Variants in MAST4 observed in about 807,000 individuals in gnomAD.
MAST4 encodes microtubule associated serine/threonine kinase family member 4, also known as microtubule-associated serine/threonine-protein kinase 4.
A neutral mutation model predicts 162.7 loss-of-function variants in MAST4; 89 were observed. That is an observed-to-expected ratio of 0.55 (90% confidence interval 0.46 to 0.65). MAST4 has a LOEUF of 0.65. Ranked by LOEUF, MAST4 falls within the 30% of genes least tolerant of loss-of-function variation. The probability of loss-of-function intolerance (pLI) is 0.00; values close to 1 mark genes in which losing one functional copy is unlikely to be tolerated. For missense variants in MAST4, 3,153 were observed against 3,374.0 expected (o/e 0.93, Z 1.62); for synonymous variants, 1,479 against 1,361.1 (o/e 1.09, Z -1.91).
intron 18 of MAST4, among the ~76,000 whole-genome samples, chr5:67,136,286 C>T (rs1769634153): frequency 6.6e-6 from 1 of 152,146 alleles, no homozygotes; most frequent in African/African-American, 2.4e-5. Context: ...AAGAAAAATA[C>T]ATTTAAAAAG....
chr5:66,951,200 C>A (rs1744639127), intron 4 of MAST4, among the ~76,000 whole-genome samples: 1 of 152,182 alleles, frequency 6.6e-6, no homozygotes, highest in South Asian at 2.1e-4. Context: ...TGAACAACAA[C>A]TCATAAAGCT....
intron 3 of MAST4, among the ~76,000 whole-genome samples, chr5:66,807,318 A>G (rs1454672362): frequency 6.6e-6 from 1 of 151,912 alleles, no homozygotes; most frequent in African/African-American, 2.4e-5. Context: ...AACAAGGTGA[A>G]ACCCCGTCTC....
At chr5:66,727,372 A>T (rs566231311) in intron 1 of MAST4, among the ~76,000 whole-genome samples, 1 of 152,116 alleles carries the variant, frequency 6.6e-6, no homozygotes, top group Non-Finnish European at 1.5e-5. Context: ...CATTGATTCC[A>T]CTAATGGGTC....
intron 4 of MAST4, among the ~76,000 whole-genome samples, chr5:66,973,008 T>C (rs1287627916): frequency 6.6e-6 from 1 of 152,214 alleles, no homozygotes; most frequent in Non-Finnish European, 1.5e-5. Flanking sequence ...TGTACGACCA[T>C]GTTCATCTTG....
At position 67,163,461 on chromosome 5, in the gene MAST4, G is replaced by A. The variant is rs368674738; in HGVS notation, c.4282G>A (p.Val1428Met). ...HSPPTIVRHI[V>M]RPKSAEPPRS... ...CCCGCCCACCATCGTCAGACACATC[G>A]TGAGGCCCAAGAGTGCGGAGCCCCC... The change falls in exon 29 of 29, where the codon GTG (valine) becomes ATG (methionine). Residue 1428 changes from valine (V) to methionine (M), a missense_variant. Val to Met is a conservative substitution (Grantham distance 21). Around this residue, in one of 7 missense-constraint regions of MAST4, gnomAD observed 619 missense variants for 744.2 expected, o/e 0.83. Transcript: ENST00000403625. This position sits in a 1 kb window ranked among gnomAD's most constrained non-coding sequence, Gnocchi z 7.0. 1 of 1,613,328 alleles carries A rather than the reference G, an allele frequency of 6.2e-7. No individual in the cohort carries two copies. The highest frequency in any genetic ancestry group is 8.5e-7 in the Non-Finnish European group (1 of 1,179,876).
intron 3 of MAST4, among the ~76,000 whole-genome samples, chr5:66,866,554 G>A (rs1760535068): frequency 6.6e-6 from 1 of 152,126 alleles, no homozygotes; most frequent in Non-Finnish European, 1.5e-5. Context: ...GTATAATCCT[G>A]TATGGCTTTA....
chr5:67,100,345 A>G, intron 7 of MAST4, 90 bp from the exon 8 acceptor site: 9 of 1,223,660 alleles, frequency 7.4e-6, no homozygotes, highest in Non-Finnish European at 1.0e-5. Flanking sequence ...AAATGGTGGT[A>G]TTGTCCAAGT....
Position 67,121,023 on chromosome 5 carries a change from A to G in MAST4, c.1666A>G (p.Asn556Asp), listed in dbSNP as rs769608347. The change falls in exon 14 of 29, where the codon AAT (asparagine) becomes GAT (aspartate). Residue 556 changes from asparagine to aspartate, a missense_variant. Coordinates refer to ENST00000403625, the MANE Select transcript of MAST4 (RefSeq NM_001164664.2). ...TCCATATTTTGTTTCCAAGAGCTCT[A>G]ATGCCTCCCTGAAACTTCGAAGGAA... Reference protein sequence around the residue: ...PETDESVSSSNASLKLRRKPR... With the variant: ...PETDESVSSSDASLKLRRKPR... The G allele has an allele frequency of 3.0e-5, 48 of 1,609,286 alleles. No homozygotes were observed. Among genetic ancestry groups the G allele is most frequent in the Admixed American group, 5.0e-5 (3 of 59,604 alleles).
Position 67,062,398 on chromosome 5 carries a change from A to C in MAST4, c.763+7906A>C, listed in dbSNP as rs528869613. ...GGGCGACAGAGCAAGATGGTCCCCA[A>C]AAAAAAAAATGTGAGGCTGGAGACA... On this transcript the variant is annotated intron_variant, in intron 5 of 28. Coordinates refer to ENST00000403625, the MANE Select transcript of MAST4 (RefSeq NM_001164664.2). Among the ~76,000 whole-genome samples, 181 of 149,010 alleles carry C rather than the reference A, an allele frequency of 1.2e-3. 1 individual carries two copies. Among genetic ancestry groups the C allele is most frequent in the African/African-American group, 4.2e-3 (170 of 40,072 alleles).
intron 4 of MAST4, among the ~76,000 whole-genome samples, chr5:66,965,897 A>G (rs1187861607): frequency 2.0e-5 from 3 of 152,238 alleles, no homozygotes; most frequent in African/African-American, 7.2e-5. Flanking sequence ...TACCTTATCA[A>G]TATTAAGAAT....
intron 3 of MAST4, among the ~76,000 whole-genome samples, chr5:66,848,597 G>A (rs1296309391): frequency 6.6e-6 from 1 of 152,174 alleles, no homozygotes; most frequent in Admixed American, 6.5e-5. Context: ...TATTGTTATT[G>A]CCTTTTATCA....
At chr5:66,945,692 A>G (rs1743943689) in intron 4 of MAST4, among the ~76,000 whole-genome samples, 1 of 152,050 alleles carries the variant, frequency 6.6e-6, no homozygotes, top group African/African-American at 2.4e-5. Flanking sequence ...AGCTTCTAAC[A>G]CTGAGCATTG....
At chr5:66,754,728 A>G (rs560191046) in intron 1 of MAST4, among the ~76,000 whole-genome samples, 1 of 152,328 alleles carries the variant, frequency 6.6e-6, no homozygotes, top group African/African-American at 2.4e-5. Context: ...AGCAAGAAAC[A>G]AGTACCAAAG....
At chr5:66,985,224 A>G (rs757246109) in intron 4 of MAST4, among the ~76,000 whole-genome samples, 1 of 152,106 alleles carries the variant, frequency 6.6e-6, no homozygotes, top group African/African-American at 2.4e-5. Flanking sequence ...TTCTGTGTGG[A>G]GTGATGCTGA....
chr5:67,053,983 A>G (rs1173595318), intron 4 of MAST4, among the ~76,000 whole-genome samples: 1 of 152,232 alleles, frequency 6.6e-6, no homozygotes, highest in African/African-American at 2.4e-5. Context: ...AAATAATTAG[A>G]TTTTTAATTA....
Position 67,162,680 on chromosome 5 carries a change from T to G in MAST4, c.3859T>G (p.Leu1287Val). Reference sequence around the variant, plus strand: ...CCACACCAGCCGAAGTTTCTCCTGCTTGAACAGATCCCTGTCATCGGGTGA... The same window carrying G: ...CCACACCAGCCGAAGTTTCTCCTGCGTGAACAGATCCCTGTCATCGGGTGA... Reference protein sequence around the residue: ...LLHTSRSFSCLNRSLSSGESL... With the variant: ...LLHTSRSFSCVNRSLSSGESL... Residue 1287 changes from leucine to valine, a missense_variant, in exon 28 of 29, where the codon TTG becomes GTG. Leu to Val is a conservative substitution (Grantham distance 32, BLOSUM62 1). This residue lies in a region of MAST4 where 619 missense variants were observed against 744.2 expected (regional missense o/e 0.83). Transcript: ENST00000403625. 1 of 1,613,976 alleles carries G rather than the reference T, an allele frequency of 6.2e-7. No individual in the cohort carries two copies.
At chr5:67,162,120 A>C (rs1388613774) in intron 27 of MAST4, among the ~76,000 whole-genome samples, 1 of 152,170 alleles carries the variant, frequency 6.6e-6, no homozygotes, top group African/African-American at 2.4e-5. Context: ...AATATTCAAG[A>C]GCCCACAATG....
chr5:66,821,534 T>C (rs1756995917), intron 3 of MAST4, among the ~76,000 whole-genome samples: 1 of 152,212 alleles, frequency 6.6e-6, no homozygotes, highest in African/African-American at 2.4e-5. Flanking sequence ...TATGTTACTT[T>C]AATGAATAGT....
At chr5:66,722,369 C>T (rs984770104) in intron 1 of MAST4, among the ~76,000 whole-genome samples, 9 of 151,850 alleles carry the variant, frequency 5.9e-5, no homozygotes, top group African/African-American at 2.2e-4. Context: ...TAAGTCTTCA[C>T]CGAAAGTTAT....
Sources: gnomAD v4.1 joint callset for allele counts (sites outside exome capture counted in the v4.1 genomes callset) on GRCh38, gnomAD v4.1.1 for gene constraint, gnomAD v4.1.1 regional missense constraint, Gnocchi (gnomAD v3.1) non-coding constraint, MANE v1.5 for transcripts, NCBI Gene and HGNC (gene_info 2026-07-23, HGNC 2026-07-21) for gene names.